Variants in AGTPBP1 observed in about 807,000 individuals in gnomAD.
The protein encoded by AGTPBP1 is cytosolic carboxypeptidase 1.
Under a neutral mutation model 143.9 loss-of-function variants are expected in AGTPBP1, and 70 were observed. The ratio of observed to expected loss-of-function variants is 0.49; its 90% confidence interval spans 0.40 to 0.59. AGTPBP1 has a LOEUF of 0.59. Among genes scored for constraint, AGTPBP1 ranks in the 20% least tolerant of loss-of-function variants. The pLI, the probability that AGTPBP1 is intolerant of heterozygous loss-of-function variation, is 0.00. For missense variants in AGTPBP1, 1,229 were observed against 1,464.5 expected (o/e 0.84, Z 2.62); for synonymous variants, 463 against 500.2 (o/e 0.93, Z 0.99).
intron 9 of AGTPBP1, among the ~76,000 whole-genome samples, chr9:85,658,294 T>G (rs1368707975): frequency 6.6e-6 from 1 of 152,160 alleles, no homozygotes; most frequent in African/African-American, 2.4e-5. Context: ...AGTCATTAGA[T>G]TTTTATTGCA....
At chr9:85,748,652 T>C in the AGTPBP1 span, among the ~76,000 whole-genome samples, 1 of 152,244 alleles carries the variant, frequency 6.6e-6, no homozygotes, top group East Asian at 1.9e-4. Context: ...GGCATCATCA[T>C]TGGCTCTTGC....
chr9:85,749,733 G>A, the AGTPBP1 span, among the ~76,000 whole-genome samples: 8 of 151,970 alleles, frequency 5.3e-5, no homozygotes, highest in Admixed American at 4.6e-4. Context: ...TTGTTGTGAG[G>A]GCTAAATGGG....
intron 1 of AGTPBP1, among the ~76,000 whole-genome samples, chr9:85,714,658 T>C (rs957854482): frequency 6.6e-6 from 1 of 152,216 alleles, no homozygotes; most frequent in Non-Finnish European, 1.5e-5. Flanking sequence ...ATTTTTGCTA[T>C]TATCATTCTA....
the AGTPBP1 span, among the ~76,000 whole-genome samples, chr9:85,795,583 T>G: frequency 6.6e-6 from 1 of 152,168 alleles, no homozygotes; most frequent in East Asian, 1.9e-4. Flanking sequence ...AGACCCGGTC[T>G]CTGCTTTTAA....
intron 3 of AGTPBP1, 137 bp from the exon 4 acceptor site, chr9:85,681,472 T>C (rs1835170556): frequency 4.5e-6 from 3 of 659,504 alleles, no homozygotes; most frequent in Non-Finnish European, 7.7e-6. Flanking sequence ...CAGACGTTCT[T>C]CCCTCTGATG....
At chr9:85,713,160 A>C (rs1453239545) in intron 1 of AGTPBP1, among the ~76,000 whole-genome samples, 1 of 152,204 alleles carries the variant, frequency 6.6e-6, no homozygotes, top group African/African-American at 2.4e-5. Context: ...TACTCTAAAT[A>C]TCTTTTAAAT....
chr9:85,584,169 T>C (rs971833387), intron 23 of AGTPBP1, among the ~76,000 whole-genome samples: 7 of 152,140 alleles, frequency 4.6e-5, no homozygotes, highest in Non-Finnish European at 1.0e-4. Flanking sequence ...AACTAAATAT[T>C]CCCCTTTTCT....
At chr9:85,625,820 G>A (rs962378415) in intron 14 of AGTPBP1, among the ~76,000 whole-genome samples, 3 of 151,128 alleles carry the variant, frequency 2.0e-5, no homozygotes, top group Non-Finnish European at 4.4e-5. Context: ...GGGAGGCAGA[G>A]GTTGCAGTGA....
Position 85,546,854 on chromosome 9 carries a change from G to T in AGTPBP1, c.*255C>A, listed in dbSNP as rs1428544978. 3 of 268,556 alleles carry T rather than the reference G, an allele frequency of 1.1e-5. No homozygotes were observed. The highest frequency in any genetic ancestry group is 4.5e-5 in the African/African-American group (2 of 44,402). The allele number at this position is 268,556 out of a possible 1,614,324, so 16.6% of individuals were successfully genotyped here. The stretch of plus-strand genomic sequence containing the variant: ...TAAAAATTCATGCAATGATACTCAG[G>T]TTTTTTTTTTAAAGGTAAATCCAAT... On this transcript the variant is annotated 3_prime_UTR_variant, in exon 26 of 26. Coordinates refer to ENST00000357081, the MANE Select transcript of AGTPBP1 (RefSeq NM_001330701.2).
At chr9:85,634,009 T>C (rs1350018376) in intron 13 of AGTPBP1, among the ~76,000 whole-genome samples, 1 of 150,946 alleles carries the variant, frequency 6.6e-6, no homozygotes, top group South Asian at 2.1e-4. Flanking sequence ...CTGGCCAACA[T>C]GGTGAAACCC....
At chr9:85,626,962 G>A (rs1019450627) in intron 14 of AGTPBP1, among the ~76,000 whole-genome samples, 2 of 152,156 alleles carry the variant, frequency 1.3e-5, no homozygotes, top group African/African-American at 4.8e-5. Flanking sequence ...ATTTGGGATG[G>A]ATTTGGCACA....
intron 1 of AGTPBP1, among the ~76,000 whole-genome samples, chr9:85,723,062 G>A (rs1838234944): frequency 6.6e-6 from 1 of 152,154 alleles, no homozygotes; most frequent in African/African-American, 2.4e-5. Flanking sequence ...TCCCAGAGGG[G>A]CACTCACCTG....
At chr9:85,731,384 T>C (rs2134737916) in intron 1 of AGTPBP1, among the ~76,000 whole-genome samples, 1 of 152,152 alleles carries the variant, frequency 6.6e-6, no homozygotes, top group South Asian at 2.1e-4. Context: ...GAATGTACAA[T>C]GGTGCAATTA....
At chr9:85,635,034 G>A (rs1455257102) in intron 13 of AGTPBP1, among the ~76,000 whole-genome samples, 1 of 152,278 alleles carries the variant, frequency 6.6e-6, no homozygotes, top group East Asian at 1.9e-4. Context: ...CTACTGGGAA[G>A]CAAACACTTT....
chr9:85,788,860 A>G, the AGTPBP1 span, among the ~76,000 whole-genome samples: 1 of 151,354 alleles, frequency 6.6e-6, no homozygotes, highest in Non-Finnish European at 1.5e-5. Context: ...GCACAGCAAT[A>G]TTTATAAATA....
At chr9:85,617,709 C>T (rs899581715) in intron 17 of AGTPBP1, among the ~76,000 whole-genome samples, 2 of 151,896 alleles carry the variant, frequency 1.3e-5, no homozygotes, top group African/African-American at 2.4e-5. Context: ...GCTAATAAAC[C>T]TCTAGAGTTA....
chr9:85,792,782 G>A, the AGTPBP1 span, among the ~76,000 whole-genome samples: 1 of 152,052 alleles, frequency 6.6e-6, no homozygotes, highest in African/African-American at 2.4e-5. Flanking sequence ...TCAAATAAAT[G>A]CTTTATCAAA....
At chr9:85,656,318 A>T (rs1301981435) in intron 10 of AGTPBP1, among the ~76,000 whole-genome samples, 2 of 152,220 alleles carry the variant, frequency 1.3e-5, no homozygotes, top group Non-Finnish European at 2.9e-5. Context: ...AACAAATGAG[A>T]AATTAAGGCT....
intron 18 of AGTPBP1, 31 bp downstream of exon 18, chr9:85,596,331 G>A: frequency 6.9e-7 from 1 of 1,457,412 alleles, no homozygotes. Flanking sequence ...TCTGTAAGCT[G>A]ACATTCTATT....
Sources: allele counts gnomAD v4.1 joint callset (sites outside exome capture counted in the v4.1 genomes callset), GRCh38; gene constraint gnomAD v4.1.1; transcripts MANE v1.5; gene names NCBI Gene and HGNC (gene_info 2026-07-23, HGNC 2026-07-21).